KDM4C: variants seen among roughly 807,000 people sequenced by gnomAD.
The protein encoded by KDM4C is lysine-specific demethylase 4C.
Under a neutral mutation model 129.3 loss-of-function variants are expected in KDM4C, and 81 were observed. That is an observed-to-expected ratio of 0.63 (90% CI 0.52 to 0.75). The LOEUF (loss-of-function observed/expected upper bound fraction) is 0.75, where lower values mean the gene tolerates loss of function less well. Ranked by LOEUF, KDM4C falls within the 30% of genes least tolerant of loss-of-function variation. KDM4C has a pLI of 0.00. For missense variants in KDM4C, 1,457 were observed against 1,304.0 expected (o/e 1.12, Z -1.81); for synonymous variants, 573 against 456.1 (o/e 1.26, Z -3.26).
At chr9:7,003,091 C>T (rs1586837179) in intron 12 of KDM4C, among the ~76,000 whole-genome samples, 1 of 152,318 alleles carries the variant, frequency 6.6e-6, no homozygotes, top group African/African-American at 2.4e-5. Context: ...GTCTCGAACT[C>T]CTGACCTCAA....
chr9:6,987,396 A>T (rs967077034), intron 11 of KDM4C, among the ~76,000 whole-genome samples: 1 of 152,228 alleles, frequency 6.6e-6, no homozygotes, highest in South Asian at 2.1e-4. Flanking sequence ...TTCCATATTC[A>T]GTAGAAACTG....
intron 8 of KDM4C, among the ~76,000 whole-genome samples, chr9:6,916,135 A>T (rs1171419281): frequency 6.6e-6 from 1 of 152,120 alleles, no homozygotes; most frequent in Admixed American, 6.6e-5. Flanking sequence ...TAGATGTGGT[A>T]AGGTGTTTTT....
chr9:7,098,833 G>T (rs1418268720), intron 17 of KDM4C, among the ~76,000 whole-genome samples: 1 of 152,198 alleles, frequency 6.6e-6, no homozygotes, highest in Non-Finnish European at 1.5e-5. Context: ...GTGCTAGCCA[G>T]TATTGACACA....
chr9:6,863,134 CAA>C (rs1841267985), intron 5 of KDM4C, among the ~76,000 whole-genome samples: 1 of 151,966 alleles, frequency 6.6e-6, no homozygotes, highest in South Asian at 2.1e-4. Flanking sequence ...AGAATAGAAA[CAA>C]AATAAAAACA....
At position 6,758,138 on chromosome 9, in the gene KDM4C, G is replaced by C; in HGVS notation, c.-83G>C. 2.0e-6 allele frequency: 2 copies of C among 985,654 alleles called. No homozygotes were observed. The highest frequency in any genetic ancestry group is 2.4e-6 in the Non-Finnish European group (2 of 830,132). The allele number at this position is 985,654 out of a possible 1,614,324, so 61.1% of individuals were successfully genotyped here. ...TCCCAAATTTCCCAAATCTCCCTGG[G>C]CCGGAGGCCACTGTCTTCTCTTCCT... is the stretch of plus-strand genomic sequence containing the variant. On this transcript the variant is annotated 5_prime_UTR_variant, in exon 1 of 22. Coordinates refer to ENST00000381309, the MANE Select transcript of KDM4C (RefSeq NM_015061.6). This position sits in a 1 kb window ranked among gnomAD's most constrained non-coding sequence, Gnocchi z 4.6.
At chr9:7,026,887 A>T (rs1244259811) in intron 15 of KDM4C, among the ~76,000 whole-genome samples, 1 of 151,948 alleles carries the variant, frequency 6.6e-6, no homozygotes, top group Non-Finnish European at 1.5e-5. Flanking sequence ...ACTTTGATGC[A>T]TTCTTCAATG....
At chr9:6,936,323 T>C (rs995804201) in intron 8 of KDM4C, among the ~76,000 whole-genome samples, 1 of 152,212 alleles carries the variant, frequency 6.6e-6, no homozygotes, top group African/African-American at 2.4e-5. Flanking sequence ...AAATTATATA[T>C]GCTAAAATCA....
In KDM4C at chr9:7,115,815, C is replaced by T. The variant is rs1439355060; in HGVS notation, c.2610+11945C>T. ...GGAAGCCAGTGATTCCAGAGGAATG[C>T]CTTATCTTCTTTGTCATGTCCTTCC... On this transcript the variant is annotated intron_variant, in intron 18 of 21. Coordinates refer to ENST00000381309, the MANE Select transcript of KDM4C (RefSeq NM_015061.6). Among the ~76,000 whole-genome samples the T allele has an allele frequency of 2.0e-5, 3 of 152,240 alleles. No homozygotes were observed. In the East Asian group the frequency reaches 5.8e-4, roughly 29 times the overall value.
intron 19 of KDM4C, among the ~76,000 whole-genome samples, chr9:7,137,312 G>A (rs1587826079): frequency 1.3e-5 from 2 of 152,236 alleles, no homozygotes; most frequent in African/African-American, 2.4e-5. Context: ...TAAATGTTAG[G>A]GTAGGGCTGA....
At chr9:7,069,177 A>T (rs192734935) in intron 17 of KDM4C, among the ~76,000 whole-genome samples, 2 of 152,250 alleles carry the variant, frequency 1.3e-5, no homozygotes, top group East Asian at 3.9e-4. Flanking sequence ...ATTCCTTCTT[A>T]TTGTTATTAT....
At chr9:6,922,925 C>A (rs1030968690) in intron 8 of KDM4C, among the ~76,000 whole-genome samples, 1 of 152,220 alleles carries the variant, frequency 6.6e-6, no homozygotes, top group African/African-American at 2.4e-5. Context: ...GAAATGGATG[C>A]ACATTAGATT....
intron 5 of KDM4C, among the ~76,000 whole-genome samples, chr9:6,871,104 T>C (rs866047961): frequency 5.3e-5 from 8 of 152,276 alleles, no homozygotes; most frequent in Middle Eastern, 3.4e-3. Context: ...CAATAGGGAA[T>C]TTTGAGGGAG....
intron 17 of KDM4C, among the ~76,000 whole-genome samples, chr9:7,083,481 G>C (rs1834767710): frequency 6.6e-6 from 1 of 152,180 alleles, no homozygotes; most frequent in Non-Finnish European, 1.5e-5. Flanking sequence ...TGATGGCATA[G>C]ACTACTACAC....
At chr9:7,097,973 G>A (rs1051413344) in intron 17 of KDM4C, among the ~76,000 whole-genome samples, 3 of 152,198 alleles carry the variant, frequency 2.0e-5, no homozygotes, top group African/African-American at 7.2e-5. Flanking sequence ...CTGCTACTTG[G>A]CTTAAAAGGT....
At chr9:6,788,738 G>T (rs1024632792) in intron 1 of KDM4C, among the ~76,000 whole-genome samples, 12 of 152,184 alleles carry the variant, frequency 7.9e-5, no homozygotes, top group Non-Finnish European at 1.6e-4. Context: ...TCAGTGGGTG[G>T]TTGGAAGTGC....
intron 17 of KDM4C, among the ~76,000 whole-genome samples, chr9:7,058,562 C>A (rs1425237498): frequency 2.0e-5 from 3 of 152,114 alleles, no homozygotes; most frequent in African/African-American, 4.8e-5. Context: ...ATGGCTGGCA[C>A]TTACCATACA....
intron 1 of KDM4C, among the ~76,000 whole-genome samples, chr9:6,781,535 T>C (rs1185822104): frequency 6.6e-6 from 1 of 152,138 alleles, no homozygotes; most frequent in Non-Finnish European, 1.5e-5. Context: ...TAAACCATGG[T>C]ATTCTTGTAC....
chr9:7,108,031 C>T (rs1837894577), intron 18 of KDM4C, among the ~76,000 whole-genome samples: 1 of 152,138 alleles, frequency 6.6e-6, no homozygotes, highest in Non-Finnish European at 1.5e-5. Flanking sequence ...TTAGGTATTT[C>T]ACATATGCAC....
intron 20 of KDM4C, among the ~76,000 whole-genome samples, chr9:7,168,672 G>T (rs1180586574): frequency 1.3e-5 from 2 of 152,124 alleles, no homozygotes; most frequent in Non-Finnish European, 2.9e-5. Context: ...GATTTTCCCA[G>T]CTCCTTTGAT....
Sources: gnomAD v4.1 joint callset for allele counts (sites outside exome capture counted in the v4.1 genomes callset) on GRCh38, gnomAD v4.1.1 for gene constraint, Gnocchi (gnomAD v3.1) non-coding constraint, MANE v1.5 for transcripts, NCBI Gene and HGNC (gene_info 2026-07-23, HGNC 2026-07-21) for gene names.